The following GPC6 variants were observed in gnomAD, a reference collection of about 807,000 sequenced individuals.
GPC6 encodes glypican 6.
GPC6 carries 14 observed loss-of-function variants against 55.2 expected under a neutral mutation model. The observed-to-expected ratio is 0.25, with a 90% confidence interval of 0.17 to 0.40. The LOEUF is 0.40. Among genes scored for constraint, GPC6 ranks in the 10% least tolerant of loss-of-function variants. GPC6 has a pLI of 1.00. For synonymous variants in GPC6, 278 were observed against 259.6 expected, an observed-to-expected ratio of 1.07 and a Z score of -0.68; for missense variants, 641 against 708.5, an observed-to-expected ratio of 0.90 and a Z score of 1.08.
At chr13:93,745,619 A>G (rs1884372186) in intron 2 of GPC6, among the ~76,000 whole-genome samples, 1 of 152,184 alleles carries the variant, frequency 6.6e-6, no homozygotes, top group Admixed American at 6.5e-5. Flanking sequence ...CTGTACTTCA[A>G]ATTTTGATCT....
intron 4 of GPC6, among the ~76,000 whole-genome samples, chr13:94,177,653 T>C (rs765078832): frequency 1.3e-5 from 2 of 152,194 alleles, no homozygotes; most frequent in Non-Finnish European, 2.9e-5. Context: ...AGCAATTTCA[T>C]ATGTTTGGAC....
intron 4 of GPC6, among the ~76,000 whole-genome samples, chr13:94,072,651 C>T (rs547739736): frequency 7.2e-5 from 11 of 152,262 alleles, no homozygotes; most frequent in African/African-American, 2.6e-4. Flanking sequence ...CACACCCGGC[C>T]GCCCCTTGTA....
chr13:93,563,022 T>C (rs564190734), intron 2 of GPC6, among the ~76,000 whole-genome samples: 1 of 152,334 alleles, frequency 6.6e-6, no homozygotes, highest in South Asian at 2.1e-4. Context: ...GCTTTGTTTC[T>C]GAAATTAAAT....
intron 6 of GPC6, among the ~76,000 whole-genome samples, chr13:94,360,728 T>C (rs2139180219): frequency 6.6e-6 from 1 of 152,288 alleles, no homozygotes; most frequent in East Asian, 1.9e-4. Flanking sequence ...AAATATATTT[T>C]CCATCTTTTT....
chr13:93,761,943 A>G (rs1164573334), intron 2 of GPC6, among the ~76,000 whole-genome samples: 2 of 152,142 alleles, frequency 1.3e-5, no homozygotes, highest in African/African-American at 4.8e-5. Context: ...CCATCTGTCC[A>G]ATAGAACACC....
chr13:93,276,489 AGAGAGAGT>A (rs1449743925), intron 1 of GPC6, among the ~76,000 whole-genome samples: 155 of 131,364 alleles, frequency 1.2e-3, no homozygotes, highest in African/African-American at 4.4e-3. Context: ...AGAGAGAGAG[AGAGAGAGT>A]GTGTGTGTGT....
intron 4 of GPC6, among the ~76,000 whole-genome samples, chr13:94,232,673 C>T (rs1183551508): frequency 6.6e-6 from 1 of 152,006 alleles, no homozygotes; most frequent in Non-Finnish European, 1.5e-5. Flanking sequence ...GGATTTTATT[C>T]AACGATGACA....
intron 3 of GPC6, among the ~76,000 whole-genome samples, chr13:93,845,503 A>G (rs1476338189): frequency 1.4e-5 from 2 of 139,956 alleles, no homozygotes; most frequent in Non-Finnish European, 3.0e-5. Context: ...AAAGGACTAT[A>G]AATCATGCTG....
In GPC6 at chr13:93,922,316, G is replaced by A. The variant is rs1039374490; in HGVS notation, c.711+91771G>A. On this transcript the variant is annotated intron_variant, in intron 3 of 8. Transcript: ENST00000377047. Reference sequence around the variant, plus strand: ...AAAGGCTATGTATCCTCTTAACAACGGAAACAAACATAAATAGCAAGATTC... The same window carrying A: ...AAAGGCTATGTATCCTCTTAACAACAGAAACAAACATAAATAGCAAGATTC... 3.9e-5 allele frequency among the ~76,000 whole-genome samples: 6 copies of A among 152,002 alleles called. No homozygotes were observed. In the East Asian group the frequency reaches 5.8e-4, roughly 15 times the overall value.
At chr13:93,575,825 T>A (rs1876636593) in intron 2 of GPC6, among the ~76,000 whole-genome samples, 1 of 152,214 alleles carries the variant, frequency 6.6e-6, no homozygotes, top group Non-Finnish European at 1.5e-5. Flanking sequence ...ATCTCTGTGG[T>A]GCATGCTTCT....
At chr13:93,793,787 T>A (rs371821416) in intron 2 of GPC6, among the ~76,000 whole-genome samples, 1 of 152,226 alleles carries the variant, frequency 6.6e-6, no homozygotes, top group Non-Finnish European at 1.5e-5. Context: ...GATGATTTTC[T>A]TAGTAAACTG....
chr13:93,387,311 G>A (rs77209606), intron 1 of GPC6, among the ~76,000 whole-genome samples: 4,914 of 152,146 alleles, frequency 0.032, 268 homozygotes, highest in African/African-American at 0.11. Context: ...CTGTACTAAT[G>A]CTCTTCCTCC....
At chr13:93,852,208 C>G (rs184813589) in intron 3 of GPC6, among the ~76,000 whole-genome samples, 11 of 151,808 alleles carry the variant, frequency 7.2e-5, no homozygotes, top group African/African-American at 2.7e-4. Flanking sequence ...TAGGCATTGG[C>G]AAACAAAGGA....
intron 4 of GPC6, among the ~76,000 whole-genome samples, chr13:94,118,479 C>T (rs1187158903): frequency 6.6e-6 from 1 of 152,136 alleles, no homozygotes; most frequent in African/African-American, 2.4e-5. Context: ...TGGACTAATA[C>T]AGAGACGATC....
At chr13:93,733,264 A>G (rs939191241) in intron 2 of GPC6, among the ~76,000 whole-genome samples, 1 of 152,132 alleles carries the variant, frequency 6.6e-6, no homozygotes, top group Non-Finnish European at 1.5e-5. Context: ...AAAACCATTA[A>G]TAAGTAATAC....
At position 93,830,278 on chromosome 13, in the gene GPC6, G is replaced by C; in HGVS notation, c.444G>C (p.Arg148Ser). ...VFQDLFTELKRYYTGGNVNLE... is the reference protein window; with the variant it reads ...VFQDLFTELKSYYTGGNVNLE... ...AGGACCTCTTCACAGAGCTGAAAAG[G>C]TACTACACTGGGGGTAATGTGAATC... Residue 148 changes from arginine (R) to serine (S), a missense_variant, in exon 3 of 9, where the codon AGG becomes AGC. Transcript: ENST00000377047. 1.2e-6 allele frequency: 2 copies of C among 1,613,796 alleles called. No individual in the cohort carries two copies. Among genetic ancestry groups the C allele is most frequent in the Non-Finnish European group, 1.7e-6 (2 of 1,179,816 alleles).
intron 2 of GPC6, among the ~76,000 whole-genome samples, chr13:93,766,482 T>C (rs1777625931): frequency 6.6e-6 from 1 of 152,152 alleles, no homozygotes; most frequent in Non-Finnish European, 1.5e-5. Flanking sequence ...GTAGATAATA[T>C]GTTAAGTGTT....
chr13:93,535,684 G>GAAAA (rs200687324), intron 1 of GPC6, among the ~76,000 whole-genome samples: 40 of 120,764 alleles, frequency 3.3e-4, no homozygotes, highest in African/African-American at 1.1e-3. Context: ...ACTTTTTTAG[G>GAAAA]AAAAAAAAAA....
intron 3 of GPC6, among the ~76,000 whole-genome samples, chr13:94,014,374 A>C (rs1429019193): frequency 6.6e-6 from 1 of 152,172 alleles, no homozygotes; most frequent in African/African-American, 2.4e-5. Flanking sequence ...TTCTTTTTTG[A>C]TATAACTACA....
Sources: gnomAD v4.1 joint callset for allele counts (sites outside exome capture counted in the v4.1 genomes callset) on GRCh38, gnomAD v4.1.1 for gene constraint, MANE v1.5 for transcripts, NCBI Gene and HGNC (gene_info 2026-07-23, HGNC 2026-07-21) for gene names.